Variants in ATP2B1 observed in about 807,000 individuals in gnomAD.
ATP2B1 encodes the protein ATPase plasma membrane Ca2+ transporting 1.
ATP2B1 carries 14 observed loss-of-function variants against 124.2 expected under a neutral mutation model. The ratio of observed to expected loss-of-function variants is 0.11; its 90% CI spans 0.07 to 0.18. ATP2B1 has a LOEUF of 0.18. ATP2B1 is among the 10% of genes least tolerant of loss of function. ATP2B1 has a pLI of 1.00. For synonymous variants in ATP2B1, 449 were observed against 492.4 expected, an observed-to-expected ratio of 0.91 and a Z score of 1.17; for missense variants, 763 against 1,466.1, an observed-to-expected ratio of 0.52 and a Z score of 7.83.
chr12:89,667,434 G>A (rs948521189), intron 1 of ATP2B1, among the ~76,000 whole-genome samples: 1 of 152,080 alleles, frequency 6.6e-6, no homozygotes, highest in Non-Finnish European at 1.5e-5. Flanking sequence ...AGGCCTCTTG[G>A]CAACTCATAC....
At chr12:89,672,328 C>A (rs996172370) in intron 1 of ATP2B1, among the ~76,000 whole-genome samples, 3 of 151,656 alleles carry the variant, frequency 2.0e-5, no homozygotes, top group African/African-American at 7.3e-5. Context: ...GTGGCGGGTG[C>A]CTGTAATCCC....
chr12:89,661,032 T>C (rs1886637309), intron 1 of ATP2B1, among the ~76,000 whole-genome samples: 1 of 152,184 alleles, frequency 6.6e-6, no homozygotes, highest in Non-Finnish European at 1.5e-5. Flanking sequence ...GCACAAATTA[T>C]TGATTTAGGG....
intron 5 of ATP2B1, 23 bp downstream of exon 5, chr12:89,634,755 A>G: frequency 1.3e-6 from 2 of 1,561,516 alleles, no homozygotes. Context: ...GAAAGTGTTC[A>G]AAGATATAAA....
At chr12:89,697,914 T>G (rs1373774903) in intron 1 of ATP2B1, among the ~76,000 whole-genome samples, 2 of 152,012 alleles carry the variant, frequency 1.3e-5, no homozygotes, top group African/African-American at 4.8e-5. Context: ...CTCGCTCTGT[T>G]GTCCAGGCTG....
In ATP2B1 at chr12:89,603,293, C is replaced by T. The variant is rs1592715618; in HGVS notation, c.2849-39G>A. 1 of 1,470,676 alleles carries T rather than the reference C, an allele frequency of 6.8e-7. No homozygotes were observed. The highest frequency in any genetic ancestry group is 2.1e-5 in the Admixed American group (1 of 48,156). 91.1% of individuals were successfully genotyped at this position (1,470,676 alleles called of 1,614,324 possible). On this transcript the variant is annotated intron_variant, in intron 17 of 20. Transcript: ENST00000428670. This position sits in a 1 kb window ranked among gnomAD's most constrained non-coding sequence, Gnocchi z 4.3. ...AAATGACTATTTTGTAATTATCATA[C>T]CAAATTAGATTTCAAGGAGGTATAC... is the stretch of plus-strand genomic sequence containing the variant.
chr12:89,667,940 CAATT>C (rs1333502151), intron 1 of ATP2B1, among the ~76,000 whole-genome samples: 2 of 152,096 alleles, frequency 1.3e-5, no homozygotes, highest in East Asian at 1.9e-4. Flanking sequence ...AACAAGCAAA[CAATT>C]AAGTGCTACA....
intron 1 of ATP2B1, among the ~76,000 whole-genome samples, chr12:89,681,685 A>G (rs1889370121): frequency 1.3e-5 from 2 of 152,228 alleles, no homozygotes; most frequent in Non-Finnish European, 2.9e-5. Flanking sequence ...GGCATGAAGA[A>G]AAAATATACC....
chr12:89,627,651 A>G (rs1280684007), intron 7 of ATP2B1, 27 bp downstream of exon 7: 3 of 1,610,428 alleles, frequency 1.9e-6, no homozygotes, highest in Non-Finnish European at 2.5e-6. Context: ...AAACAAGCTC[A>G]CTGTACTTTT....
chr12:89,679,678 G>A (rs1889097999), intron 1 of ATP2B1, among the ~76,000 whole-genome samples: 1 of 152,152 alleles, frequency 6.6e-6, no homozygotes, highest in Non-Finnish European at 1.5e-5. Context: ...AAATCTGAGG[G>A]TACATCGTAG....
intron 9 of ATP2B1, 68 bp downstream of exon 9, chr12:89,624,115 G>T: frequency 1.5e-6 from 2 of 1,378,252 alleles, no homozygotes; most frequent in Non-Finnish European, 2.0e-6. Flanking sequence ...GGAGTAACTA[G>T]ATGGGCATTT....
intron 1 of ATP2B1, among the ~76,000 whole-genome samples, chr12:89,702,179 A>G (rs911122577): frequency 6.6e-6 from 1 of 152,206 alleles, no homozygotes; most frequent in African/African-American, 2.4e-5. Context: ...TCCAAACTGC[A>G]TAAACCAGCA....
chr12:89,674,891 T>C (rs969289721), intron 1 of ATP2B1, among the ~76,000 whole-genome samples: 2 of 152,146 alleles, frequency 1.3e-5, no homozygotes, highest in African/African-American at 4.8e-5. Flanking sequence ...AAAAATAGAC[T>C]ACCAAGTAAA....
intron 1 of ATP2B1, among the ~76,000 whole-genome samples, chr12:89,698,062 G>A (rs1891384007): frequency 6.6e-6 from 1 of 151,908 alleles, no homozygotes. Flanking sequence ...GTAAAGACGG[G>A]GTTTCACCAT....
At chr12:89,689,088 C>CA (rs1262215054) in intron 1 of ATP2B1, among the ~76,000 whole-genome samples, 6 of 152,058 alleles carry the variant, frequency 3.9e-5, no homozygotes, top group Non-Finnish European at 7.4e-5. Context: ...TGGCAATAAA[C>CA]AGATGCTCTT....
chr12:89,645,013 A>G (rs1324021814), intron 2 of ATP2B1, among the ~76,000 whole-genome samples: 3 of 152,242 alleles, frequency 2.0e-5, no homozygotes, highest in African/African-American at 7.2e-5. Flanking sequence ...CTAGGACACT[A>G]TACCAATAAA....
At chr12:89,703,858 C>T (rs1028564302) in intron 1 of ATP2B1, among the ~76,000 whole-genome samples, 2 of 152,134 alleles carry the variant, frequency 1.3e-5, no homozygotes, top group Non-Finnish European at 2.9e-5. Flanking sequence ...GTTATAAATG[C>T]AATGTCAATG....
upstream of ATP2B1, chr12:89,709,308 A>ACCGCCGCCGAAGCTCGCG (rs1565945022): frequency 6.6e-6 from 1 of 151,250 alleles, no homozygotes; most frequent in African/African-American, 2.4e-5. Context: ...CACAGCCGCC[A>ACCGCCGCCGAAGCTCGCG]CCGCCGCCGA....
chr12:89,593,542 G>A (rs950672614), intron 20 of ATP2B1: 2 of 151,972 alleles, frequency 1.3e-5, no homozygotes, highest in Admixed American at 6.6e-5. Flanking sequence ...AAGAATCGGG[G>A]GGAAATAAAT....
chr12:89,653,337 C>G (rs562733923), intron 2 of ATP2B1, among the ~76,000 whole-genome samples: 1 of 133,268 alleles, frequency 7.5e-6, no homozygotes, highest in Non-Finnish European at 1.5e-5. Flanking sequence ...TCGCCCAGGC[C>G]GGACTGCGGA....
Sources: gnomAD v4.1 joint callset for allele counts (sites outside exome capture counted in the v4.1 genomes callset) on GRCh38, gnomAD v4.1.1 for gene constraint, Gnocchi (gnomAD v3.1) non-coding constraint, MANE v1.5 for transcripts, NCBI Gene and HGNC (gene_info 2026-07-23, HGNC 2026-07-21) for gene names.